Variants in CNTN5 observed in about 807,000 individuals in gnomAD.
CNTN5 encodes the protein contactin-5.
In CNTN5, 77 loss-of-function variants were observed where a neutral mutation model predicts 129.1. The ratio of observed to expected loss-of-function variants is 0.60; its 90% CI spans 0.50 to 0.72. The LOEUF (loss-of-function observed/expected upper bound fraction) is 0.72. CNTN5 is among the 30% of genes least tolerant of loss of function. The pLI, the probability that CNTN5 is intolerant of heterozygous loss-of-function variation, is 0.00. For synonymous variants in CNTN5, 509 were observed against 465.6 expected (o/e 1.09, Z -1.20); for missense variants, 1,478 against 1,328.8 (o/e 1.11, Z -1.75).
intron 3 of CNTN5, among the ~76,000 whole-genome samples, chr11:99,757,302 C>T (rs1486052456): frequency 1.3e-5 from 2 of 151,924 alleles, no homozygotes; most frequent in Admixed American, 1.3e-4. Context: ...AAGTGCCCCA[C>T]CCTAATTAAT....
chr11:100,161,830 TACACACACACACACAC>T (rs71050053), intron 13 of CNTN5, among the ~76,000 whole-genome samples: 102 of 125,884 alleles, frequency 8.1e-4, no homozygotes, highest in Admixed American at 1.3e-3. Flanking sequence ...TGGAGCTTCC[TACACACACACACACAC>T]ACACACACAC....
chr11:99,678,059 T>A (rs2134693639), intron 3 of CNTN5, among the ~76,000 whole-genome samples: 1 of 152,242 alleles, frequency 6.6e-6, no homozygotes, highest in Admixed American at 6.5e-5. Context: ...GATACTTATA[T>A]GTTTTTATTT....
At position 100,346,437 on chromosome 11, in the gene CNTN5, C is replaced by A. The variant is rs138490984; in HGVS notation, c.3031-4265C>A. Among the ~76,000 whole-genome samples the A allele has an allele frequency of 3.3e-5, 5 of 152,222 alleles. No individual in the cohort carries two copies. The East Asian group carries it at 5.8e-4, about 18-fold the overall frequency. On this transcript the variant is annotated intron_variant, in intron 23 of 24. Coordinates refer to ENST00000524871, the MANE Select transcript of CNTN5 (RefSeq NM_014361.4). ...TTTTATCTCCACCTTATTTTCTTCA[C>A]ACAGACTTATGCTTGAGTGAAAGGG...
chr11:100,267,987 G>A (rs779473880), intron 17 of CNTN5, among the ~76,000 whole-genome samples: 1 of 152,088 alleles, frequency 6.6e-6, no homozygotes, highest in Admixed American at 6.6e-5. Flanking sequence ...GAAACTATTT[G>A]GGTGGTAAAA....
At chr11:99,961,501 G>A (rs1448207568) in intron 8 of CNTN5, among the ~76,000 whole-genome samples, 1 of 152,108 alleles carries the variant, frequency 6.6e-6, no homozygotes, top group Non-Finnish European at 1.5e-5. Flanking sequence ...AAGTGTAAGG[G>A]GTCTAAAGAA....
intron 3 of CNTN5, among the ~76,000 whole-genome samples, chr11:99,571,078 G>C (rs1284517398): frequency 1.3e-5 from 2 of 152,160 alleles, no homozygotes; most frequent in African/African-American, 2.4e-5. Flanking sequence ...ACAATGGCCA[G>C]AGCAGAGGAG....
intron 13 of CNTN5, among the ~76,000 whole-genome samples, chr11:100,110,197 A>G (rs1045164757): frequency 2.8e-5 from 4 of 145,222 alleles, no homozygotes; most frequent in Non-Finnish European, 5.9e-5. Flanking sequence ...AAAAAAAAAA[A>G]AAAGAAAAGA....
At chr11:99,219,806 G>A (rs1322098855) in intron 1 of CNTN5, among the ~76,000 whole-genome samples, 2 of 151,970 alleles carry the variant, frequency 1.3e-5, no homozygotes, top group East Asian at 3.8e-4. Context: ...AAGGAGACCA[G>A]TTTGTAGATT....
At chr11:100,351,657 TA>T (rs60798966) in intron 24 of CNTN5, among the ~76,000 whole-genome samples, 3,728 of 103,572 alleles carry the variant, frequency 0.036, 150 homozygotes, top group African/African-American at 0.11. Flanking sequence ...GTAGAGATAG[TA>T]AAAAAAAAAA....
At chr11:99,958,248 A>T (rs1031779149) in intron 8 of CNTN5, among the ~76,000 whole-genome samples, 1 of 152,214 alleles carries the variant, frequency 6.6e-6, no homozygotes, top group African/African-American at 2.4e-5. Flanking sequence ...GTAGCACTGG[A>T]GGACAGGAAA....
chr11:99,422,055 T>A (rs912414688), intron 2 of CNTN5, among the ~76,000 whole-genome samples: 1 of 152,122 alleles, frequency 6.6e-6, no homozygotes, highest in Non-Finnish European at 1.5e-5. Flanking sequence ...TGCCTTTTGA[T>A]TGAGGTCATC....
intron 16 of CNTN5, among the ~76,000 whole-genome samples, chr11:100,239,535 A>G (rs1212699865): frequency 6.6e-6 from 1 of 152,188 alleles, no homozygotes; most frequent in African/African-American, 2.4e-5. Context: ...TTTACATAGG[A>G]CTTTGCCATA....
intron 3 of CNTN5, among the ~76,000 whole-genome samples, chr11:99,637,658 T>C (rs187820490): frequency 6.6e-6 from 1 of 152,234 alleles, no homozygotes; most frequent in Non-Finnish European, 1.5e-5. Flanking sequence ...GTTTTTTGAG[T>C]ATATTCACAT....
At chr11:99,668,598 G>A (rs745817134) in intron 3 of CNTN5, among the ~76,000 whole-genome samples, 1 of 152,078 alleles carries the variant, frequency 6.6e-6, no homozygotes, top group Non-Finnish European at 1.5e-5. Context: ...ACTAGTTATC[G>A]CTACCACATT....
At chr11:100,070,223 A>G (rs979831510) in intron 10 of CNTN5, among the ~76,000 whole-genome samples, 4 of 151,832 alleles carry the variant, frequency 2.6e-5, no homozygotes, top group African/African-American at 9.7e-5. Flanking sequence ...ATTTTATATT[A>G]TCAAAATATC....
intron 3 of CNTN5, among the ~76,000 whole-genome samples, chr11:99,584,487 C>T (rs1294491321): frequency 2.0e-5 from 3 of 152,248 alleles, no homozygotes; most frequent in African/African-American, 7.2e-5. Context: ...GACATTGTTA[C>T]TAATGGAGCA....
At chr11:99,579,879 T>C (rs551449317) in intron 3 of CNTN5, among the ~76,000 whole-genome samples, 97 of 149,602 alleles carry the variant, frequency 6.5e-4, no homozygotes, top group Non-Finnish European at 1.1e-3. Flanking sequence ...TGAATAGGAG[T>C]GGTGAGAGAG....
chr11:99,848,975 A>ACTTTTTGC (rs1370381897), intron 6 of CNTN5, among the ~76,000 whole-genome samples: 5 of 152,066 alleles, frequency 3.3e-5, no homozygotes, highest in African/African-American at 1.2e-4. Flanking sequence ...TTCACCTTTT[A>ACTTTTTGC]CTTTTTGCCT....
intron 1 of CNTN5, among the ~76,000 whole-genome samples, chr11:99,080,307 T>G (rs907561226): frequency 6.6e-6 from 1 of 152,202 alleles, no homozygotes; most frequent in African/African-American, 2.4e-5. Context: ...GGAATCTGAA[T>G]ACGCCATTAC....
Sources: gnomAD v4.1 joint callset for allele counts (sites outside exome capture counted in the v4.1 genomes callset) on GRCh38, gnomAD v4.1.1 for gene constraint, MANE v1.5 for transcripts, NCBI Gene and HGNC (gene_info 2026-07-23, HGNC 2026-07-21) for gene names.